HRH1: variants seen among roughly 807,000 people sequenced by gnomAD.
The protein encoded by HRH1 is histamine receptor H1, also known as histamine H1 receptor.
HRH1 carries 6 observed loss-of-function variants against 10.3 expected under a neutral mutation model. The ratio of observed to expected loss-of-function variants is 0.58; its 90% CI spans 0.32 to 1.15. The LOEUF (loss-of-function observed/expected upper bound fraction) is 1.15, where lower values mean the gene tolerates loss of function less well. Among genes scored for constraint, HRH1 ranks in the 50% most tolerant of loss-of-function variants. HRH1 has a pLI of 0.05. For synonymous variants in HRH1, 242 were observed against 236.7 expected (o/e 1.02, Z -0.21); for missense variants, 514 against 615.3 (o/e 0.84, Z 1.74).
chr3:11,259,235 C>G lies in HRH1; in HGVS notation c.198C>G (p.Ile66Met), dbSNP rs755459830. 1.9e-6 allele frequency: 3 copies of G among 1,613,648 alleles called. No homozygotes were observed. Among genetic ancestry groups the G allele is most frequent in the Non-Finnish European group, 2.5e-6 (3 of 1,179,900 alleles). Reference protein sequence around the residue: ...RKLHTVGNLYIVSLSVADLIV... With the variant: ...RKLHTVGNLYMVSLSVADLIV... ...TCCACACTGTGGGGAACCTGTACAT[C>G]GTCAGCCTCTCGGTGGCGGACTTGA... is the stretch of plus-strand genomic sequence containing the variant. Residue 66 changes from isoleucine (I) to methionine (M), a missense_variant, in exon 2 of 2, where the codon ATC becomes ATG. Physicochemically the swap from Ile to Met is conservative, Grantham distance 10 (BLOSUM62 1). Coordinates refer to ENST00000431010, the MANE Select transcript of HRH1 (RefSeq NM_001098212.2). The surrounding 1 kb of genome is among the most constrained non-coding windows in gnomAD (Gnocchi z 4.6).
At chr3:11,233,336 ATTG>A (rs1290826229) in intron 1 of HRH1, among the ~76,000 whole-genome samples, 1 of 151,894 alleles carries the variant, frequency 6.6e-6, no homozygotes, top group African/African-American at 2.4e-5. Context: ...GGGAATTTCT[ATTG>A]TTTTATCTTC....
intron 1 of HRH1, among the ~76,000 whole-genome samples, chr3:11,209,215 C>T (rs895249559): frequency 2.0e-5 from 3 of 152,180 alleles, no homozygotes; most frequent in African/African-American, 4.8e-5. Flanking sequence ...CCTTAGCCTC[C>T]CAAGTAGTGG....
rs770524896 is a variant in HRH1 at position 11,259,247 on chromosome 3, G to A, written c.210G>A (p.Ser70=). ...GGAACCTGTACATCGTCAGCCTCTC[G>A]GTGGCGGACTTGATCGTGGGTGCCG... ...TVGNLYIVSL[S]VADLIVGAVV... is the part of the protein sequence containing the mutation. Residue 70 remains serine, a synonymous_variant, in exon 2 of 2, where the codon TCG becomes TCA. Coordinates refer to ENST00000431010, the MANE Select transcript of HRH1 (RefSeq NM_001098212.2). This position sits in a 1 kb window ranked among gnomAD's most constrained non-coding sequence, Gnocchi z 4.6. 14 of 1,613,404 alleles carry A rather than the reference G, an allele frequency of 8.7e-6. No individual in the cohort carries two copies. Among genetic ancestry groups the A allele is most frequent in the South Asian group, 2.2e-5 (2 of 91,026 alleles).
At chr3:11,151,176 A>G (rs945936508), upstream of HRH1, among the ~76,000 whole-genome samples, 1 of 152,196 alleles carries the variant, frequency 6.6e-6, no homozygotes, top group Non-Finnish European at 1.5e-5. Flanking sequence ...AATTGGAGTC[A>G]ACCCTGGGAT....
chr3:11,204,485 G>A (rs1470679692), intron 1 of HRH1, among the ~76,000 whole-genome samples: 1 of 152,102 alleles, frequency 6.6e-6, no homozygotes, highest in Non-Finnish European at 1.5e-5. Context: ...GGAGCTTAGA[G>A]CCTTCCCAGG....
chr3:11,157,615 G>C (rs1003425541), intron 1 of HRH1, among the ~76,000 whole-genome samples: 4 of 152,228 alleles, frequency 2.6e-5, no homozygotes, highest in African/African-American at 7.2e-5. Flanking sequence ...CTGTCGGAGG[G>C]GGGGCCAGGA....
intron 1 of HRH1, among the ~76,000 whole-genome samples, chr3:11,228,775 G>T (rs113138987): frequency 1.3e-5 from 2 of 152,052 alleles, no homozygotes; most frequent in Non-Finnish European, 2.9e-5. Context: ...TTAGCCAGGC[G>T]TGGTGGTGCG....
At chr3:11,198,670 G>A (rs989666819) in intron 1 of HRH1, among the ~76,000 whole-genome samples, 1 of 150,404 alleles carries the variant, frequency 6.6e-6, no homozygotes, top group African/African-American at 2.5e-5. Context: ...CCAGGAGTTC[G>A]AGGTTACAGT....
Position 11,199,438 on chromosome 3 carries a change from C to T in HRH1, c.-36+44884C>T, listed in dbSNP as rs62248179. On this transcript the variant is annotated intron_variant, in intron 1 of 1. Transcript: ENST00000431010. ...AGTGTCCCACTATCTCCTTGCCTGG[C>T]TAATGCCCATTCTCCCCTCAGGCCC... is the stretch of plus-strand genomic sequence containing the variant. Among the ~76,000 whole-genome samples the T allele has an allele frequency of 3.2e-3, 487 of 152,248 alleles. 2 individuals carry two copies. Among genetic ancestry groups the T allele is most frequent in the South Asian group, 5.4e-3 (26 of 4,828 alleles).
rs565036625 is a variant in HRH1, at chr3:11,142,840, G to A, written c.-36+5441G>A. Among the ~76,000 whole-genome samples, 4 of 152,202 alleles carry A rather than the reference G, an allele frequency of 2.6e-5. No homozygotes were observed. In the East Asian group the frequency reaches 7.7e-4, roughly 29 times the overall value. ...GAGGCAGGAGAATTGCTTGTACCAGGTAGGTGGAGGTTGCAGTGTGCCAAG... is the reference window on the plus strand; with the variant it reads ...GAGGCAGGAGAATTGCTTGTACCAGATAGGTGGAGGTTGCAGTGTGCCAAG... On this transcript the variant is annotated intron_variant, in intron 1 of 1. Coordinates refer to the HRH1 transcript ENST00000438284.
chr3:11,172,704 C>CTTTTTTTTTTTTTTTTTTTTTTTTTT (rs537415650), intron 1 of HRH1, among the ~76,000 whole-genome samples: 1 of 130,928 alleles, frequency 7.6e-6, no homozygotes, highest in African/African-American at 3.0e-5. Flanking sequence ...TTTGGCGAAT[C>CTTTTTTTTTTTTTTTTTTTTTTTTTT]TTTTTTTTTT....
At chr3:11,251,515 G>T (rs1939649834) in intron 1 of HRH1, among the ~76,000 whole-genome samples, 1 of 152,174 alleles carries the variant, frequency 6.6e-6, no homozygotes, top group Admixed American at 6.5e-5. Flanking sequence ...TCCGTCTACT[G>T]CTGAGTACCT....
chr3:11,155,162 C>T (rs1378372303), intron 1 of HRH1, among the ~76,000 whole-genome samples: 2 of 152,046 alleles, frequency 1.3e-5, no homozygotes, highest in African/African-American at 2.4e-5. Context: ...CACCTGGAGT[C>T]GGGGGTGGGA....
intron 1 of HRH1, among the ~76,000 whole-genome samples, chr3:11,235,845 G>A (rs1939167628): frequency 6.6e-6 from 1 of 152,198 alleles, no homozygotes; most frequent in Admixed American, 6.5e-5. Context: ...ACTTTGCTAG[G>A]CAGCCTCTTT....
chr3:11,237,580 A>C (rs1241758317), intron 1 of HRH1, among the ~76,000 whole-genome samples: 1 of 140,884 alleles, frequency 7.1e-6, no homozygotes, highest in East Asian at 1.9e-4. Flanking sequence ...ATTAAGGATT[A>C]AACGATTGAG....
intron 1 of HRH1, among the ~76,000 whole-genome samples, chr3:11,199,112 G>A (rs776731427): frequency 7.2e-5 from 11 of 151,980 alleles, no homozygotes; most frequent in Non-Finnish European, 1.5e-4. Flanking sequence ...TTAGCAGAGG[G>A]TTTCACCGTG....
At chr3:11,182,315 C>A (rs1937373678) in intron 1 of HRH1, among the ~76,000 whole-genome samples, 1 of 152,170 alleles carries the variant, frequency 6.6e-6, no homozygotes, top group South Asian at 2.1e-4. Context: ...GATATTGCCC[C>A]TTATCAGATA....
intron 1 of HRH1, among the ~76,000 whole-genome samples, chr3:11,245,771 A>G (rs905535181): frequency 1.3e-5 from 2 of 152,170 alleles, no homozygotes; most frequent in Admixed American, 6.5e-5. Flanking sequence ...TTACCAAGTA[A>G]TCGCAGAGCT....
At chr3:11,200,193 A>C (rs994354625) in intron 1 of HRH1, among the ~76,000 whole-genome samples, 3 of 152,228 alleles carry the variant, frequency 2.0e-5, no homozygotes, top group Non-Finnish European at 4.4e-5. Flanking sequence ...AGAGAATGGC[A>C]GAACCAAAGA....
Sources: allele counts gnomAD v4.1 joint callset (sites outside exome capture counted in the v4.1 genomes callset), GRCh38; gene constraint gnomAD v4.1.1; non-coding constraint Gnocchi (gnomAD v3.1); transcripts MANE v1.5; gene names NCBI Gene and HGNC (gene_info 2026-07-23, HGNC 2026-07-21).